The following SEL1L3 variants were observed in gnomAD, a reference collection of about 807,000 sequenced individuals.
SEL1L3 encodes the protein SEL1L family member 3, also known as protein sel-1 homolog 3.
A neutral mutation model predicts 142.8 loss-of-function variants in SEL1L3; 76 were observed. The observed-to-expected ratio is 0.53, with a 90% CI of 0.44 to 0.64. The LOEUF (loss-of-function observed/expected upper bound fraction) is 0.64. SEL1L3 is among the 30% of genes least tolerant of loss of function. The probability of loss-of-function intolerance (pLI) is 0.00; values close to 1 mark genes in which losing one functional copy is unlikely to be tolerated. For synonymous variants in SEL1L3, 504 were observed against 519.6 expected (o/e 0.97, Z 0.41); for missense variants, 1,262 against 1,381.7 (o/e 0.91, Z 1.37).
At chr4:25,832,568 CA>C (rs1191460509) in intron 5 of SEL1L3, among the ~76,000 whole-genome samples, 1 of 152,092 alleles carries the variant, frequency 6.6e-6, no homozygotes, top group Non-Finnish European at 1.5e-5. Context: ...CTTCACTTGC[CA>C]AAAGCAGTCA....
chr4:25,833,454 C>T lies in SEL1L3; in HGVS notation c.976G>A (p.Glu326Lys). ...MYGTPSVFLT[E>K]EGYLHIQMHL... ...GGTTCTGTTTTATACTCACCCTCTT[C>T]CGTAAGAAATACAGAAGGTGTGCCG... Residue 326 changes from glutamate (E) to lysine (K), a missense_variant, in exon 4 of 24, where the codon GAA (glutamate) becomes AAA (lysine). Physicochemically the swap from Glu to Lys is moderately conservative, Grantham distance 56. This residue lies in a region of SEL1L3 where 689 missense variants were observed against 692.8 expected (regional missense o/e 0.99). Coordinates refer to ENST00000399878, the MANE Select transcript of SEL1L3 (RefSeq NM_015187.5). 1 of 1,611,402 alleles carries T rather than the reference C, an allele frequency of 6.2e-7. No individual in the cohort carries two copies. The highest frequency in any genetic ancestry group is 1.3e-5 in the African/African-American group (1 of 74,922).
At chr4:25,751,986 G>A (rs943414436) in intron 23 of SEL1L3, among the ~76,000 whole-genome samples, 1 of 151,632 alleles carries the variant, frequency 6.6e-6, no homozygotes, top group Non-Finnish European at 1.5e-5. Flanking sequence ...GCGTGCATCT[G>A]TAATCTCAGC....
At chr4:25,761,676 GA>G (rs1718388484) in intron 20 of SEL1L3, among the ~76,000 whole-genome samples, 2 of 152,100 alleles carry the variant, frequency 1.3e-5, no homozygotes, top group Admixed American at 1.3e-4. Context: ...TTACAAAAAA[GA>G]AAATGTAAAA....
chr4:25,751,186 T>C (rs1438109937), intron 23 of SEL1L3, among the ~76,000 whole-genome samples: 2 of 152,204 alleles, frequency 1.3e-5, no homozygotes, highest in African/African-American at 4.8e-5. Flanking sequence ...TTTTTTGTTT[T>C]TCAAAAGCCT....
rs144597834 is a variant in SEL1L3 at position 25,837,705 on chromosome 4, G to C, written c.734-2382C>G. Among the ~76,000 whole-genome samples, 401 of 152,158 alleles carry C rather than the reference G, an allele frequency of 2.6e-3. 2 individuals carry two copies. The highest frequency in any genetic ancestry group is 8.2e-3 in the African/African-American group (340 of 41,528). On this transcript the variant is annotated intron_variant, in intron 2 of 23. Coordinates refer to ENST00000399878, the MANE Select transcript of SEL1L3 (RefSeq NM_015187.5). The stretch of plus-strand genomic sequence containing the variant: ...TCTTTTGATTACAATTAGAGGTAAT[G>C]AACAAGAATTAATTTTGGAGCAGGA...
chr4:25,823,970 G>C (rs1714933895), intron 6 of SEL1L3, among the ~76,000 whole-genome samples: 1 of 152,206 alleles, frequency 6.6e-6, no homozygotes, highest in African/African-American at 2.4e-5. Flanking sequence ...CAGCCTGGCA[G>C]CAACAGCTGA....
chr4:25,789,382 C>G (rs891236459), intron 12 of SEL1L3, among the ~76,000 whole-genome samples: 19 of 152,032 alleles, frequency 1.2e-4, no homozygotes, highest in African/African-American at 4.6e-4. Flanking sequence ...GAGTTCAAAA[C>G]CAGTCTGGGC....
intron 1 of SEL1L3, among the ~76,000 whole-genome samples, 155 bp downstream of exon 1, chr4:25,862,520 C>G (rs1483321285): frequency 6.6e-6 from 1 of 152,198 alleles, no homozygotes; most frequent in Middle Eastern, 3.4e-3. Flanking sequence ...GGGTACCTAT[C>G]CCAGGTGCCG....
intron 10 of SEL1L3, among the ~76,000 whole-genome samples, chr4:25,803,063 C>T (rs1713294695): frequency 6.6e-6 from 1 of 152,164 alleles, no homozygotes; most frequent in African/African-American, 2.4e-5. Flanking sequence ...TCCTAAGTCC[C>T]CTGTTCTGTT....
rs118052590 is a variant in SEL1L3, at chr4:25,837,779, C to T, written c.734-2456G>A. Among the ~76,000 whole-genome samples the T allele has an allele frequency of 2.5e-4, 38 of 152,038 alleles. No homozygotes were observed. The East Asian group carries it at 6.6e-3, about 26-fold the overall frequency. On this transcript the variant is annotated intron_variant, in intron 2 of 23. Coordinates refer to ENST00000399878, the MANE Select transcript of SEL1L3 (RefSeq NM_015187.5). ...TAACATATAGGATATGTTATTTATC[C>T]TATATGTTATTTATCAGGATAACAT...
In SEL1L3 at chr4:25,847,681, C is replaced by G. The variant is rs1716621388; in HGVS notation, c.346G>C (p.Val116Leu). Residue 116 changes from valine (V) to leucine (L), a missense_variant, in exon 2 of 24, where the codon GTT (valine) becomes CTT (leucine). By Grantham distance (32) the Val-to-Leu change is conservative (BLOSUM62 1). This residue lies in a region of SEL1L3 where 689 missense variants were observed against 692.8 expected (regional missense o/e 0.99). Coordinates refer to ENST00000399878, the MANE Select transcript of SEL1L3 (RefSeq NM_015187.5). ...SQPCVVNLEA[V>L]VSSEFRSSIP... ...CTACTTCTGAACTCAGATGAAACAA[C>G]TGCTTCCAAATTGACAACACAAGGC... is the stretch of plus-strand genomic sequence containing the variant. 2 of 1,613,834 alleles carry G rather than the reference C, an allele frequency of 1.2e-6. No individual in the cohort carries two copies. Among genetic ancestry groups the G allele is most frequent in the Non-Finnish European group, 1.7e-6 (2 of 1,179,872 alleles).
rs983625024 is a variant in SEL1L3 at position 25,779,265 on chromosome 4, G to A, written c.2458-62C>T. The stretch of plus-strand genomic sequence containing the variant: ...GCTGGGCTGGTTTCGCCAGAGACAA[G>A]GTGATGAGATGCTTTAAGCCTGATA... On this transcript the variant is annotated intron_variant, in intron 15 of 23. Coordinates refer to ENST00000399878, the MANE Select transcript of SEL1L3 (RefSeq NM_015187.5). 1.9e-6 allele frequency: 3 copies of A among 1,594,826 alleles called. No individual in the cohort carries two copies. In the African/African-American group the frequency reaches 4.0e-5, roughly 21 times the overall value.
chr4:25,824,130 G>A (rs1714943182), intron 6 of SEL1L3, among the ~76,000 whole-genome samples: 1 of 152,194 alleles, frequency 6.6e-6, no homozygotes, highest in Admixed American at 6.5e-5. Flanking sequence ...TTTAAGGAGA[G>A]GCCATAAAGT....
In SEL1L3 at chr4:25,758,980, T is replaced by C. The variant is rs1047372937; in HGVS notation, c.3044A>G (p.His1015Arg). The change falls in exon 21 of 24, where the codon CAT becomes CGT. Residue 1015 changes from histidine to arginine, a missense_variant. Physicochemically the swap from His to Arg is conservative, Grantham distance 29 (BLOSUM62 0). Transcript: ENST00000399878. The part of the protein sequence containing the change: ...LDFLEIDSTL[H>R]SNNISILQEL... The stretch of plus-strand genomic sequence containing the variant: ...CTGGAGAATGGAGATGTTATTAGAA[T>C]GGAGAGTTGAGTCAATTTCCAAGAA... 1.2e-5 allele frequency: 19 copies of C among 1,613,740 alleles called. No individual in the cohort carries two copies. The African/African-American group carries it at 1.9e-4, about 16-fold the overall frequency.
rs140726194 is a variant in SEL1L3, at chr4:25,822,268, G to A, written c.1158-140C>T. The A allele has an allele frequency of 1.7e-4, 158 of 918,148 alleles. No individual in the cohort carries two copies. In the African/African-American group the frequency reaches 2.2e-3, roughly 13 times the overall value. 56.9% of individuals were successfully genotyped at this position (918,148 alleles called of 1,614,324 possible). On this transcript the variant is annotated intron_variant, in intron 6 of 23. Transcript: ENST00000399878. ...CTGAGTTTTAGCAGATGAGACCAGCGTAGGGTCAGGTGGACTTCGGCTAGG... is the reference window on the plus strand; with the variant it reads ...CTGAGTTTTAGCAGATGAGACCAGCATAGGGTCAGGTGGACTTCGGCTAGG...
At position 25,785,274 on chromosome 4, in the gene SEL1L3, G is replaced by A. The variant is rs79644255; in HGVS notation, c.2218-984C>T. On this transcript the variant is annotated intron_variant, in intron 13 of 23. Coordinates refer to ENST00000399878, the MANE Select transcript of SEL1L3 (RefSeq NM_015187.5). ...AGTTACCGTTCCTGTGTGAATTAAC[G>A]TTGGCCAAGCACTGTCTAAGTGCTT... is the stretch of plus-strand genomic sequence containing the variant. Among the ~76,000 whole-genome samples, 415 of 152,282 alleles carry A rather than the reference G, an allele frequency of 2.7e-3. 1 individual carries two copies. Among genetic ancestry groups the A allele is most frequent in the African/African-American group, 9.3e-3 (386 of 41,548 alleles).
At chr4:25,734,489 C>T in the SEL1L3 span, among the ~76,000 whole-genome samples, 1 of 152,050 alleles carries the variant, frequency 6.6e-6, no homozygotes, top group African/African-American at 2.4e-5. Context: ...ACCTTTATTC[C>T]TGAGATAAAC....
chr4:25,817,918 C>T (rs1373101314), intron 9 of SEL1L3, among the ~76,000 whole-genome samples: 1 of 152,104 alleles, frequency 6.6e-6, no homozygotes, highest in African/African-American at 2.4e-5. Context: ...ATTGCTTGAG[C>T]GATTCCTAAA....
intron 23 of SEL1L3, among the ~76,000 whole-genome samples, chr4:25,751,825 A>G (rs183647079): frequency 2.0e-5 from 3 of 151,854 alleles, no homozygotes; most frequent in Non-Finnish European, 4.4e-5. Context: ...AAAATAGTTG[A>G]ATGGGCTGGG....
Sources: allele counts gnomAD v4.1 joint callset (sites outside exome capture counted in the v4.1 genomes callset), GRCh38; gene constraint gnomAD v4.1.1; regional missense constraint gnomAD v4.1.1; transcripts MANE v1.5; gene names NCBI Gene and HGNC (gene_info 2026-07-23, HGNC 2026-07-21).